COL19A1: variants seen among roughly 807,000 people sequenced by gnomAD.
COL19A1 encodes collagen alpha-1(XIX) chain.
In COL19A1, 159 loss-of-function variants were observed where a neutral mutation model predicts 190.2. The observed-to-expected ratio is 0.84, with a 90% CI of 0.73 to 0.95. COL19A1 has a LOEUF of 0.95. COL19A1 is among the 40% of genes least tolerant of loss of function. The probability of loss-of-function intolerance (pLI) is 0.00; values close to 1 mark genes in which losing one functional copy is unlikely to be tolerated. For synonymous variants in COL19A1, 509 were observed against 458.9 expected, an observed-to-expected ratio of 1.11 and a Z score of -1.39; for missense variants, 1,418 against 1,431.9, an observed-to-expected ratio of 0.99 and a Z score of 0.16.
intron 34 of COL19A1, among the ~76,000 whole-genome samples, chr6:70,160,343 ATG>A (rs1439732592): frequency 1.3e-5 from 2 of 152,098 alleles, no homozygotes; most frequent in Non-Finnish European, 2.9e-5. Flanking sequence ...TGAGAACAGC[ATG>A]GGGAAAACCA....
At chr6:70,007,526 A>T (rs538901238) in intron 11 of COL19A1, among the ~76,000 whole-genome samples, 21 of 152,066 alleles carry the variant, frequency 1.4e-4, no homozygotes, top group Non-Finnish European at 2.8e-4. Context: ...TAGCAGGAAG[A>T]TATAGCAATT....
chr6:69,966,847 C>G (rs761894441), intron 11 of COL19A1, among the ~76,000 whole-genome samples: 28 of 151,340 alleles, frequency 1.9e-4, no homozygotes, highest in Non-Finnish European at 3.8e-4. Flanking sequence ...CTCCTTAACC[C>G]TGAGCTCAAG....
intron 15 of COL19A1, among the ~76,000 whole-genome samples, chr6:70,099,778 C>CA (rs1226543176): frequency 6.6e-6 from 1 of 152,144 alleles, no homozygotes; most frequent in Non-Finnish European, 1.5e-5. Context: ...CAATATGTTC[C>CA]AATTACTTAG....
chr6:70,066,323 A>G (rs893716481), intron 14 of COL19A1, among the ~76,000 whole-genome samples: 6 of 152,156 alleles, frequency 3.9e-5, no homozygotes, highest in African/African-American at 1.2e-4. Context: ...GCTGGAAACC[A>G]TCATTCTCAG....
At chr6:69,904,120 C>A (rs559906751) in intron 4 of COL19A1, among the ~76,000 whole-genome samples, 2 of 152,124 alleles carry the variant, frequency 1.3e-5, no homozygotes, top group African/African-American at 4.8e-5. Flanking sequence ...CAAAATCACT[C>A]GGGGGCACTG....
intron 11 of COL19A1, among the ~76,000 whole-genome samples, chr6:69,991,162 A>G (rs1174770002): frequency 2.0e-5 from 3 of 151,946 alleles, no homozygotes; most frequent in Non-Finnish European, 4.4e-5. Flanking sequence ...TTATGTTCCT[A>G]TGTTAATTCA....
chr6:70,028,674 G>A (rs1323562753), intron 12 of COL19A1, among the ~76,000 whole-genome samples: 1 of 152,144 alleles, frequency 6.6e-6, no homozygotes, highest in South Asian at 2.1e-4. Context: ...TCTTGGATCT[G>A]AGGCAGCTTC....
In COL19A1 at chr6:70,212,004, A is replaced by G. The variant is rs1768235023; in HGVS notation, c.*4730A>G. The stretch of plus-strand genomic sequence containing the variant: ...CTTCATGAATTTGTCAAAAGTGAAT[A>G]CTAATAAAGTGGGAGGCTTCACTAA... On this transcript the variant is annotated 3_prime_UTR_variant, in exon 51 of 51. Coordinates refer to ENST00000620364, the MANE Select transcript of COL19A1 (RefSeq NM_001858.6). Among the ~76,000 whole-genome samples, 2 of 152,186 alleles carry G rather than the reference A, an allele frequency of 1.3e-5. No homozygotes were observed. The highest frequency in any genetic ancestry group is 4.1e-4 in the South Asian group (2 of 4,828).
At chr6:70,154,190 T>C (rs1300439837) in intron 31 of COL19A1, among the ~76,000 whole-genome samples, 1 of 150,182 alleles carries the variant, frequency 6.7e-6, no homozygotes, top group Non-Finnish European at 1.5e-5. Context: ...CTCCCACTTA[T>C]GAGTGAGAAC....
chr6:70,038,200 T>C (rs1208704984), intron 14 of COL19A1, among the ~76,000 whole-genome samples: 2 of 152,214 alleles, frequency 1.3e-5, no homozygotes, highest in Non-Finnish European at 2.9e-5. Flanking sequence ...TTGGAGTCAA[T>C]AAACAGAGTT....
Position 70,156,245 on chromosome 6 carries a change from C to T in COL19A1, c.2184+14C>T. On this transcript the variant is annotated intron_variant, in intron 32 of 50. Transcript: ENST00000620364. ...ATGGCCCGGAAGGTGAGAAGCCTGG[C>T]TGAATGTTTACGATCCCTGTGGGTT... 1.2e-6 allele frequency: 2 copies of T among 1,613,086 alleles called. No individual in the cohort carries two copies. The highest frequency in any genetic ancestry group is 1.7e-6 in the Non-Finnish European group (2 of 1,179,414).
intron 15 of COL19A1, among the ~76,000 whole-genome samples, chr6:70,096,530 A>G (rs559438268): frequency 2.2e-4 from 33 of 152,300 alleles, no homozygotes; most frequent in African/African-American, 7.7e-4. Context: ...GTTGCAAAGT[A>G]TAAGTACCAT....
chr6:69,939,407 G>A (rs1773312089), intron 9 of COL19A1, among the ~76,000 whole-genome samples: 1 of 152,012 alleles, frequency 6.6e-6, no homozygotes, highest in African/African-American at 2.4e-5. Flanking sequence ...TCATGTTAGG[G>A]ATTAGTATTA....
intron 11 of COL19A1, among the ~76,000 whole-genome samples, chr6:69,995,681 T>C (rs969645084): frequency 3.9e-5 from 6 of 152,128 alleles, no homozygotes; most frequent in African/African-American, 1.4e-4. Flanking sequence ...ATTAACTAGA[T>C]CTTAGAAATG....
intron 15 of COL19A1, among the ~76,000 whole-genome samples, chr6:70,098,056 C>T (rs1451703483): frequency 6.6e-6 from 1 of 152,160 alleles, no homozygotes; most frequent in African/African-American, 2.4e-5. Context: ...AACATGCAAA[C>T]ATTCCTCCCA....
chr6:70,025,669 T>C (rs1778694651), intron 12 of COL19A1, among the ~76,000 whole-genome samples: 1 of 152,206 alleles, frequency 6.6e-6, no homozygotes, highest in Non-Finnish European at 1.5e-5. Flanking sequence ...TCTATTACAC[T>C]CTCCGTGAAA....
chr6:70,150,168 T>C, intron 30 of COL19A1, 123 bp downstream of exon 30: 4 of 987,844 alleles, frequency 4.0e-6, no homozygotes, highest in Non-Finnish European at 6.3e-6. Flanking sequence ...GTGATTTTGT[T>C]TATCCCCATT....
intron 14 of COL19A1, among the ~76,000 whole-genome samples, chr6:70,057,898 C>T (rs1273142063): frequency 2.6e-5 from 4 of 152,018 alleles, no homozygotes; most frequent in African/African-American, 9.7e-5. Context: ...GTCATTCATC[C>T]ATTCGACACC....
At chr6:70,073,419 G>T (rs1175569848) in intron 15 of COL19A1, among the ~76,000 whole-genome samples, 2 of 152,166 alleles carry the variant, frequency 1.3e-5, no homozygotes, top group East Asian at 3.9e-4. Flanking sequence ...ACCCCACAGG[G>T]CTGTGATGAG....
Sources: gnomAD v4.1 joint callset for allele counts (sites outside exome capture counted in the v4.1 genomes callset) on GRCh38, gnomAD v4.1.1 for gene constraint, MANE v1.5 for transcripts, NCBI Gene and HGNC (gene_info 2026-07-23, HGNC 2026-07-21) for gene names.